Variants in PHF20L1 observed in about 807,000 individuals in gnomAD.
PHF20L1 encodes PHD finger protein 20 like 1, also known as PHD finger protein 20-like protein 1.
A neutral mutation model predicts 125.5 loss-of-function variants in PHF20L1; 44 were observed. The ratio of observed to expected loss-of-function variants is 0.35; its 90% confidence interval spans 0.28 to 0.45. The LOEUF (loss-of-function observed/expected upper bound fraction) is 0.45. Ranked by LOEUF, PHF20L1 falls within the 20% of genes least tolerant of loss-of-function variation. The pLI, the probability that PHF20L1 is intolerant of heterozygous loss-of-function variation, is 1.00. For missense variants in PHF20L1, 1,012 were observed against 1,217.2 expected (o/e 0.83, Z 2.51); for synonymous variants, 380 against 403.1 (o/e 0.94, Z 0.69).
At chr8:132,832,433 T>TTA in intron 15 of PHF20L1, 34 bp downstream of exon 15, 1 of 1,482,110 alleles carries the variant, frequency 6.7e-7, no homozygotes, top group Non-Finnish European at 9.4e-7. Flanking sequence ...AAAACAAGAC[T>TTA]TACAATTCCT....
At chr8:132,793,137 T>A (rs1030628365) in intron 2 of PHF20L1, among the ~76,000 whole-genome samples, 28 of 152,014 alleles carry the variant, frequency 1.8e-4, no homozygotes, top group African/African-American at 6.0e-4. Context: ...CACAAGCAGT[T>A]CTGTGTTTAA....
At chr8:132,824,217 A>G in intron 13 of PHF20L1, 157 bp downstream of exon 13, 1 of 464,150 alleles carries the variant, frequency 2.2e-6, no homozygotes, top group Non-Finnish European at 3.9e-6. Flanking sequence ...CAGATACATG[A>G]TTTATTAAAC....
intron 12 of PHF20L1, among the ~76,000 whole-genome samples, chr8:132,820,659 G>A (rs1835477921): frequency 6.6e-6 from 1 of 151,904 alleles, no homozygotes; most frequent in Non-Finnish European, 1.5e-5. Flanking sequence ...TCTATATGAT[G>A]AGATTATAGT....
chr8:132,824,678 C>T (rs1451307207), intron 13 of PHF20L1: 6 of 170,980 alleles, frequency 3.5e-5, no homozygotes, highest in Non-Finnish European at 7.7e-5. Flanking sequence ...TTTTTAAGTA[C>T]ATATGATTGG....
At chr8:132,786,916 T>TA (rs965903422) in intron 2 of PHF20L1, among the ~76,000 whole-genome samples, 2 of 152,150 alleles carry the variant, frequency 1.3e-5, no homozygotes, top group African/African-American at 4.8e-5. Context: ...CATCAGACTT[T>TA]AATCAGTAGG....
chr8:132,842,515 G>A lies in PHF20L1; in HGVS notation c.2388G>A (p.Lys796=), dbSNP rs950966637. Residue 796 remains lysine, a splice_region_variant and synonymous_variant, in exon 19 of 21, where the codon AAG becomes AAA. Coordinates refer to ENST00000395386, the MANE Select transcript of PHF20L1 (RefSeq NM_016018.5). ...HGLQLKIGIL[K]NKHHPDLHLW... The stretch of plus-strand genomic sequence containing the variant: ...GCTGTTTTTCCAACTTTGTTTTAAG[G>A]AATAAACATCATCCTGACCTTCATC... The A allele has an allele frequency of 1.3e-6, 2 of 1,579,288 alleles. No individual in the cohort carries two copies. Among genetic ancestry groups the A allele is most frequent in the African/African-American group, 2.8e-5 (2 of 72,322 alleles).
At chr8:132,781,756 C>G (rs1830457611) in intron 2 of PHF20L1, among the ~76,000 whole-genome samples, 1 of 152,096 alleles carries the variant, frequency 6.6e-6, no homozygotes, top group Non-Finnish European at 1.5e-5. Flanking sequence ...TTTTTATTTT[C>G]AAAGTAACTT....
chr8:132,842,469 A>ATTTT, intron 18 of PHF20L1, 46 bp from the exon 19 acceptor site: 2 of 1,188,096 alleles, frequency 1.7e-6, no homozygotes, highest in South Asian at 1.7e-5. Flanking sequence ...TTGTTAATAG[A>ATTTT]TTTTTTTTTT....
intron 1 of PHF20L1, among the ~76,000 whole-genome samples, chr8:132,777,435 A>G (rs1418065179): frequency 6.6e-6 from 1 of 152,234 alleles, no homozygotes; most frequent in Admixed American, 6.5e-5. Flanking sequence ...TTAATTTTTC[A>G]AAGGCAGGAA....
chr8:132,823,638 A>G (rs1347273064), intron 12 of PHF20L1, among the ~76,000 whole-genome samples: 3 of 152,074 alleles, frequency 2.0e-5, no homozygotes, highest in Non-Finnish European at 4.4e-5. Flanking sequence ...CATCTTCCAC[A>G]TTTTGACTCA....
chr8:132,814,492 T>C (rs2131664605), intron 9 of PHF20L1, 145 bp from the exon 10 acceptor site: 2 of 502,624 alleles, frequency 4.0e-6, no homozygotes, highest in Admixed American at 3.9e-5. Flanking sequence ...GTGGGGTTCT[T>C]TTTGGTTTTT....
chr8:132,836,587 C>G lies in PHF20L1; in HGVS notation c.1957C>G (p.Leu653Val), dbSNP rs370435709. The G allele has an allele frequency of 9.3e-6, 15 of 1,612,310 alleles. No individual in the cohort carries two copies. In the African/African-American group the frequency reaches 1.7e-4, roughly 19 times the overall value. The stretch of plus-strand genomic sequence containing the variant: ...AGATGATTCTTCAACGGAGAGTTTG[C>G]TTCTGAGTGGGGATGAATACAATCA... ...FLDDSSTESL[L>V]LSGDEYNQDF... is the part of the protein sequence containing the mutation. The change falls in exon 16 of 21, where the codon CTT becomes GTT. Residue 653 changes from leucine to valine, a missense_variant. This residue lies in a region of PHF20L1 where 320 missense variants were observed against 293.8 expected (regional missense o/e 1.09). Transcript: ENST00000395386.
At chr8:132,822,946 A>G (rs1835760930) in intron 12 of PHF20L1, among the ~76,000 whole-genome samples, 1 of 151,964 alleles carries the variant, frequency 6.6e-6, no homozygotes, top group Admixed American at 6.6e-5. Context: ...TTTTAAATGT[A>G]CTGTAGTATT....
intron 2 of PHF20L1, among the ~76,000 whole-genome samples, chr8:132,778,982 A>G (rs1830129388): frequency 6.6e-6 from 1 of 152,192 alleles, no homozygotes. Flanking sequence ...CAACTTCCCG[A>G]GTTGGCAATG....
At position 132,812,624 on chromosome 8, in the gene PHF20L1, C is replaced by G. The variant is rs1335069888; in HGVS notation, c.930+1496C>G. The G allele has an allele frequency of 6.1e-6, 6 of 984,240 alleles. No individual in the cohort carries two copies. In the Admixed American group the frequency reaches 3.7e-4, roughly 61 times the overall value. 61.0% of individuals were successfully genotyped at this position (984,240 alleles called of 1,614,324 possible). ...CACCATGCCATTCCCTCATTTTCTA[C>G]TTGTCATTCAGGTTGATTTCAATGT... On this transcript the variant is annotated intron_variant, in intron 9 of 20. Coordinates refer to ENST00000395386, the MANE Select transcript of PHF20L1 (RefSeq NM_016018.5).
At chr8:132,839,275 C>G (rs1837687212) in intron 17 of PHF20L1, 112 bp from the exon 18 acceptor site, 1 of 778,034 alleles carries the variant, frequency 1.3e-6, no homozygotes, top group Non-Finnish European at 2.2e-6. Flanking sequence ...TTTGAATCTG[C>G]TCCTAGTGCT....
At chr8:132,811,907 G>T in intron 9 of PHF20L1, 1 of 964,294 alleles carries the variant, frequency 1.0e-6, no homozygotes, top group Non-Finnish European at 1.2e-6. Context: ...TTTATTAGTA[G>T]CCTAATAAAG....
chr8:132,797,035 C>T (rs1019915388), intron 4 of PHF20L1, among the ~76,000 whole-genome samples: 7 of 152,022 alleles, frequency 4.6e-5, no homozygotes, highest in Non-Finnish European at 5.9e-5. Context: ...CTATCCCTTT[C>T]ATCTACAGGC....
intron 7 of PHF20L1, 143 bp from the exon 8 acceptor site, chr8:132,804,472 T>C (rs1833452773): frequency 3.7e-6 from 2 of 545,460 alleles, no homozygotes; most frequent in Non-Finnish European, 6.5e-6. Context: ...TCTGGAGGGA[T>C]TTGTGTTTTT....
Sources: allele counts gnomAD v4.1 joint callset (sites outside exome capture counted in the v4.1 genomes callset), GRCh38; gene constraint gnomAD v4.1.1; regional missense constraint gnomAD v4.1.1; transcripts MANE v1.5; gene names NCBI Gene and HGNC (gene_info 2026-07-23, HGNC 2026-07-21).